Variants in MECOM observed in about 807,000 individuals in gnomAD.
The protein encoded by MECOM is MDS1 and EVI1 complex locus.
MECOM carries 13 observed loss-of-function variants against 116.3 expected under a neutral mutation model. The ratio of observed to expected loss-of-function variants is 0.11; its 90% CI spans 0.07 to 0.18. The LOEUF (loss-of-function observed/expected upper bound fraction) is 0.18. MECOM is among the 10% of genes least tolerant of loss of function. MECOM has a pLI of 1.00. For missense variants in MECOM, 1,299 were observed against 1,509.0 expected, an observed-to-expected ratio of 0.86 and a Z score of 2.31; for synonymous variants, 528 against 535.2, an observed-to-expected ratio of 0.99 and a Z score of 0.19.
chr3:169,472,658 G>GA (rs1169652096), intron 1 of MECOM, among the ~76,000 whole-genome samples: 3 of 57,904 alleles, frequency 5.2e-5, no homozygotes, highest in Middle Eastern at 0.011. Flanking sequence ...GAAAAGAAAA[G>GA]AAAGGAAAGG....
intron 2 of MECOM, among the ~76,000 whole-genome samples, chr3:169,159,205 T>G (rs7613509): frequency 0.07 from 10,698 of 152,276 alleles, 481 homozygotes; most frequent in South Asian, 0.19. Flanking sequence ...TGAGGGAGTC[T>G]GCTTCTAGTT....
At chr3:169,433,937 G>T (rs1346543684) in intron 1 of MECOM, among the ~76,000 whole-genome samples, 1 of 152,054 alleles carries the variant, frequency 6.6e-6, no homozygotes, top group East Asian at 1.9e-4. Context: ...TTGGAGAGCT[G>T]TTATCTGAAT....
chr3:169,311,660 A>G (rs1718788116), intron 2 of MECOM, among the ~76,000 whole-genome samples: 1 of 150,814 alleles, frequency 6.6e-6, no homozygotes. Context: ...TAAAGAAAAA[A>G]AGTGTTTCTT....
At chr3:169,354,510 T>C (rs1403277659) in intron 2 of MECOM, among the ~76,000 whole-genome samples, 1 of 151,972 alleles carries the variant, frequency 6.6e-6, no homozygotes, top group Non-Finnish European at 1.5e-5. Flanking sequence ...ATTGGCAGTT[T>C]CTATTTCTCT....
chr3:169,216,807 C>T (rs1187771783), intron 2 of MECOM, among the ~76,000 whole-genome samples: 1 of 151,912 alleles, frequency 6.6e-6, no homozygotes, highest in East Asian at 1.9e-4. Context: ...AGCAAAAATA[C>T]TGTAGGTAGC....
chr3:169,438,767 G>A (rs954373616), intron 1 of MECOM, among the ~76,000 whole-genome samples: 3 of 152,144 alleles, frequency 2.0e-5, no homozygotes, highest in African/African-American at 7.2e-5. Flanking sequence ...GTTCCAATAT[G>A]CAGTGTTCGA....
intron 2 of MECOM, among the ~76,000 whole-genome samples, chr3:169,153,293 A>G (rs541098869): frequency 3.3e-4 from 50 of 152,354 alleles, no homozygotes; most frequent in Middle Eastern, 3.4e-3. Flanking sequence ...AAAAATAAAT[A>G]CAAAAACTGA....
At chr3:169,281,998 C>T (rs111973190) in intron 2 of MECOM, among the ~76,000 whole-genome samples, 11 of 152,156 alleles carry the variant, frequency 7.2e-5, no homozygotes, top group Non-Finnish European at 1.6e-4. Flanking sequence ...CCTACATCCT[C>T]CTCTCTACTG....
At chr3:169,473,091 G>A (rs1209964204) in intron 1 of MECOM, 5 of 275,660 alleles carry the variant, frequency 1.8e-5, no homozygotes, top group Admixed American at 6.5e-5. Context: ...GTCCACCACA[G>A]TGGTTCCAAC....
intron 2 of MECOM, among the ~76,000 whole-genome samples, chr3:169,314,255 A>G (rs938165820): frequency 6.6e-6 from 1 of 152,224 alleles, no homozygotes. Flanking sequence ...TGGCATAGTA[A>G]CTGTCTTCCT....
At chr3:169,257,292 G>A (rs1444195386) in intron 2 of MECOM, among the ~76,000 whole-genome samples, 1 of 152,134 alleles carries the variant, frequency 6.6e-6, no homozygotes, top group Non-Finnish European at 1.5e-5. Context: ...AGTAATACTT[G>A]GGAATGGGAT....
chr3:169,237,490 T>C (rs1294105536), intron 2 of MECOM, among the ~76,000 whole-genome samples: 1 of 151,954 alleles, frequency 6.6e-6, no homozygotes, highest in African/African-American at 2.4e-5. Context: ...ATTATTTTTA[T>C]AGAACTTGTC....
chr3:169,159,087 A>T (rs979086443), intron 2 of MECOM, among the ~76,000 whole-genome samples: 2 of 152,194 alleles, frequency 1.3e-5, no homozygotes, highest in African/African-American at 4.8e-5. Flanking sequence ...CCTAGGGCCC[A>T]GTAAACTACA....
intron 1 of MECOM, among the ~76,000 whole-genome samples, chr3:169,534,976 C>T (rs1180674371): frequency 1.3e-5 from 2 of 152,194 alleles, no homozygotes; most frequent in Admixed American, 6.5e-5. Context: ...TCGTTGTCCC[C>T]AGTTCTTTCC....
chr3:169,508,664 G>C (rs187719839), intron 1 of MECOM, among the ~76,000 whole-genome samples: 1 of 152,264 alleles, frequency 6.6e-6, no homozygotes, highest in East Asian at 1.9e-4. Context: ...CCTGATGCAA[G>C]AAGGCTATGC....
rs1322105072 is a variant in MECOM, at chr3:169,625,224, A to AT, written c.37+38111dup. Among the ~76,000 whole-genome samples, 8 of 152,226 alleles carry AT rather than the reference A, an allele frequency of 5.3e-5. No individual in the cohort carries two copies. The East Asian group carries it at 1.4e-3, about 26-fold the overall frequency. ...CTTAGAAGAACAATGATTTGCTTAG[A>AT]TTTTTTTAAATTTCTAGATTCTCTA... On this transcript the variant is annotated intron_variant, in intron 1 of 16. Transcript: ENST00000651503.
chr3:169,485,995 GTATATATATAC>G (rs1210086791), intron 1 of MECOM, among the ~76,000 whole-genome samples: 2 of 65,078 alleles, frequency 3.1e-5, no homozygotes, highest in African/African-American at 6.5e-5. Flanking sequence ...GTATATATAT[GTATATATATAC>G]TATATATATA....
intron 16 of MECOM, among the ~76,000 whole-genome samples, chr3:169,087,021 C>T (rs968456976): frequency 7.9e-5 from 12 of 152,030 alleles, no homozygotes; most frequent in African/African-American, 2.9e-4. Flanking sequence ...AAGGGCCTGA[C>T]CATTTTCAAA....
At chr3:169,638,090 C>T (rs1773032272) in intron 1 of MECOM, among the ~76,000 whole-genome samples, 1 of 152,176 alleles carries the variant, frequency 6.6e-6, no homozygotes, top group Non-Finnish European at 1.5e-5. Context: ...GTACTTTATA[C>T]AAGTTGCAAG....
Sources: gnomAD v4.1 joint callset for allele counts (sites outside exome capture counted in the v4.1 genomes callset) on GRCh38, gnomAD v4.1.1 for gene constraint, MANE v1.5 for transcripts, NCBI Gene and HGNC (gene_info 2026-07-23, HGNC 2026-07-21) for gene names.